LIMCH1: variants seen among roughly 807,000 people sequenced by gnomAD.
The protein encoded by LIMCH1 is LIM and calponin homology domains 1.
A neutral mutation model predicts 176.5 loss-of-function variants in LIMCH1; 113 were observed. That is an observed-to-expected ratio of 0.64 (90% confidence interval 0.55 to 0.75). LIMCH1 has a LOEUF of 0.75. LIMCH1 is among the 30% of genes least tolerant of loss of function. The pLI, the probability that LIMCH1 is intolerant of heterozygous loss-of-function variation, is 0.00. For synonymous variants in LIMCH1, 619 were observed against 645.9 expected (o/e 0.96, Z 0.63); for missense variants, 1,674 against 1,814.9 (o/e 0.92, Z 1.41).
chr4:41,612,817 A>T, intron 4 of LIMCH1: 1 of 1,127,770 alleles, frequency 8.9e-7, no homozygotes, highest in Non-Finnish European at 1.2e-6. Context: ...CTGAGGCATC[A>T]GGAAAAGCGT....
At chr4:41,393,901 A>ATTCT (rs2057527395) in intron 1 of LIMCH1, among the ~76,000 whole-genome samples, 2 of 152,296 alleles carry the variant, frequency 1.3e-5, no homozygotes, top group Non-Finnish European at 2.9e-5. Context: ...AGATGTATAA[A>ATTCT]ATGGAACCCT....
At chr4:41,697,128 C>G in intron 31 of LIMCH1, 32 bp from the exon 32 acceptor site, 1 of 1,612,572 alleles carries the variant, frequency 6.2e-7, no homozygotes, top group Non-Finnish European at 8.5e-7. Flanking sequence ...TTGCCTACCA[C>G]TCTTGTTTGT....
chr4:41,588,264 A>G (rs1397092749), intron 1 of LIMCH1, among the ~76,000 whole-genome samples: 1 of 152,216 alleles, frequency 6.6e-6, no homozygotes, highest in Admixed American at 6.5e-5. Flanking sequence ...GATACAGAAT[A>G]TGGGATGGGT....
chr4:41,647,006 G>A (rs898260110), intron 17 of LIMCH1, 113 bp downstream of exon 17: 10 of 1,031,670 alleles, frequency 9.7e-6, no homozygotes, highest in Middle Eastern at 2.2e-4. Context: ...AGAAAAATGT[G>A]TTGACATTTA....
intron 1 of LIMCH1, among the ~76,000 whole-genome samples, chr4:41,402,269 C>T (rs1382420628): frequency 6.6e-6 from 1 of 151,844 alleles, no homozygotes; most frequent in Non-Finnish European, 1.5e-5. Flanking sequence ...ATCAAAACCA[C>T]AATGAGATAC....
intron 7 of LIMCH1, among the ~76,000 whole-genome samples, chr4:41,621,083 C>T (rs968310280): frequency 3.3e-5 from 5 of 152,180 alleles, no homozygotes; most frequent in South Asian, 2.1e-4. Flanking sequence ...GAAAAATAGT[C>T]TGTTGCTTTG....
At chr4:41,467,089 G>C (rs2066229331) in intron 1 of LIMCH1, among the ~76,000 whole-genome samples, 1 of 151,640 alleles carries the variant, frequency 6.6e-6, no homozygotes, top group East Asian at 1.9e-4. Flanking sequence ...CCATGTTATA[G>C]TGTGGATCAG....
At chr4:41,603,350 T>A (rs1326306174) in intron 2 of LIMCH1, among the ~76,000 whole-genome samples, 1 of 152,234 alleles carries the variant, frequency 6.6e-6, no homozygotes, top group Non-Finnish European at 1.5e-5. Context: ...ACAGGCATAT[T>A]TTCCTGCTTA....
chr4:41,417,080 C>T (rs2060005144), intron 1 of LIMCH1, among the ~76,000 whole-genome samples: 1 of 143,720 alleles, frequency 7.0e-6, no homozygotes, highest in Admixed American at 7.1e-5. Context: ...GTTATCTGTG[C>T]TATAGGCATT....
At chr4:41,633,227 C>T in intron 12 of LIMCH1, 142 bp downstream of exon 12, 1 of 669,722 alleles carries the variant, frequency 1.5e-6, no homozygotes, top group Non-Finnish European at 2.5e-6. Context: ...AAAGAGTGTG[C>T]TCATCCCAAG....
intron 8 of LIMCH1, among the ~76,000 whole-genome samples, chr4:41,627,888 A>C (rs775411508): frequency 1.3e-5 from 2 of 152,234 alleles, no homozygotes; most frequent in African/African-American, 2.4e-5. Context: ...TGTTGAACTT[A>C]GTATATAATT....
chr4:41,524,561 C>T, intron 3 of LIMCH1: 2 of 976,882 alleles, frequency 2.0e-6, no homozygotes, highest in African/African-American at 1.6e-5. Context: ...TATTACAGTT[C>T]TCTCCTGCAA....
intron 31 of LIMCH1, chr4:41,692,658 G>A: frequency 3.1e-6 from 1 of 323,970 alleles, no homozygotes; most frequent in Non-Finnish European, 5.8e-6. Flanking sequence ...AGATTTTGGT[G>A]TGATAGAAAG....
intron 20 of LIMCH1, 129 bp downstream of exon 20, chr4:41,663,113 T>TA: frequency 4.6e-6 from 4 of 871,338 alleles, no homozygotes; most frequent in Non-Finnish European, 7.0e-6. Context: ...TTCCTATCTT[T>TA]AATCTGTAGT....
chr4:41,531,644 T>A (rs1416711907), intron 3 of LIMCH1, among the ~76,000 whole-genome samples: 1 of 152,160 alleles, frequency 6.6e-6, no homozygotes, highest in Admixed American at 6.5e-5. Context: ...TGACTAATGG[T>A]TAGCTCTTTC....
chr4:41,474,700 C>T (rs188635426), intron 1 of LIMCH1, among the ~76,000 whole-genome samples: 4 of 152,212 alleles, frequency 2.6e-5, no homozygotes, highest in Admixed American at 6.5e-5. Flanking sequence ...ATCTGGAGAA[C>T]GGGAACCCTC....
intron 1 of LIMCH1, among the ~76,000 whole-genome samples, chr4:41,481,304 G>C (rs1041677197): frequency 1.3e-5 from 2 of 152,234 alleles, no homozygotes; most frequent in Non-Finnish European, 2.9e-5. Context: ...ACAGGAAGAA[G>C]AGTTGGGCTT....
At chr4:41,597,322 C>G (rs888529252) in intron 1 of LIMCH1, among the ~76,000 whole-genome samples, 6 of 152,104 alleles carry the variant, frequency 3.9e-5, no homozygotes, top group African/African-American at 1.2e-4. Flanking sequence ...TAAAGTTGTA[C>G]AGGAATTAAA....
intron 1 of LIMCH1, among the ~76,000 whole-genome samples, chr4:41,401,333 G>A (rs2154117547): frequency 6.6e-6 from 1 of 152,260 alleles, no homozygotes; most frequent in South Asian, 2.1e-4. Context: ...TCAAAGATCA[G>A]ATAGTTGTAG....
Sources: gnomAD v4.1 joint callset for allele counts (sites outside exome capture counted in the v4.1 genomes callset) on GRCh38, gnomAD v4.1.1 for gene constraint, MANE v1.5 for transcripts, NCBI Gene and HGNC (gene_info 2026-07-23, HGNC 2026-07-21) for gene names.